MAFF: variants seen among roughly 807,000 people sequenced by gnomAD.
MAFF encodes the protein MAF bZIP transcription factor F.
Under a neutral mutation model 2.7 loss-of-function variants are expected in MAFF, and 4 were observed. The ratio of observed to expected loss-of-function variants is 1.48; its 90% confidence interval spans 0.73 to 3.39. The LOEUF (loss-of-function observed/expected upper bound fraction) is 3.39, where lower values mean the gene tolerates loss of function less well. Ranked by LOEUF, MAFF falls within the 30% of genes most tolerant of loss-of-function variation. The pLI is 0.01. For missense variants in MAFF, 190 were observed against 246.6 expected (o/e 0.77, Z 1.54); for synonymous variants, 113 against 119.4 (o/e 0.95, Z 0.35).
chr22:38,204,740 C>G (rs1028533811), intron 1 of MAFF, among the ~76,000 whole-genome samples: 2 of 152,202 alleles, frequency 1.3e-5, no homozygotes, highest in Non-Finnish European at 2.9e-5. Context: ...GTAGAATTTG[C>G]TGTCTGTTCA....
At chr22:38,206,290 T>C (rs908949710) in intron 1 of MAFF, among the ~76,000 whole-genome samples, 6 of 151,434 alleles carry the variant, frequency 4.0e-5, no homozygotes, top group Non-Finnish European at 7.4e-5. Context: ...CTGTTGCTTG[T>C]GGATAGTGGG....
Position 38,214,938 on chromosome 22 carries a change from C to T in MAFF, c.*60C>T, listed in dbSNP as rs1026197794. On this transcript the variant is annotated 3_prime_UTR_variant, in exon 3 of 3. Transcript: ENST00000338483. This position sits in a 1 kb window ranked among gnomAD's most constrained non-coding sequence, Gnocchi z 6.3. ...CGGCCTCAGCTCCCTCCCCAAAGTG[C>T]CTGAGCGCCGCCTCTGTGCCCAGGT... The T allele has an allele frequency of 7.0e-5, 90 of 1,284,256 alleles. No individual in the cohort carries two copies. In the African/African-American group the frequency reaches 1.1e-3, roughly 16 times the overall value. 79.6% of individuals were successfully genotyped at this position (1,284,256 alleles called of 1,614,324 possible). A position where few individuals can be genotyped will look rare whatever the true frequency, so the allele number is the denominator to read the frequency against.
At position 38,214,899 on chromosome 22, in the gene MAFF, C is replaced by T. The variant is rs554955876; in HGVS notation, c.*21C>T. On this transcript the variant is annotated 3_prime_UTR_variant, in exon 3 of 3. Coordinates refer to ENST00000338483, the MANE Select transcript of MAFF (RefSeq NM_012323.4). The surrounding 1 kb of genome is among the most constrained non-coding windows in gnomAD (Gnocchi z 6.3). The stretch of plus-strand genomic sequence containing the variant: ...CCTAGTGCCCGCCCCCGCCATGCCT[C>T]AGCCACGCCCCTCCGGCCTCAGCTC... The T allele has an allele frequency of 2.3e-5, 34 of 1,500,574 alleles. No homozygotes were observed. In the Middle Eastern group the frequency reaches 5.1e-4, roughly 23 times the overall value. 93.0% of individuals were successfully genotyped at this position (1,500,574 alleles called of 1,614,324 possible). A position where few individuals can be genotyped will look rare whatever the true frequency, so the allele number is the denominator to read the frequency against.
rs61328776 is a variant in MAFF at position 38,211,230 on chromosome 22, C to CTTTTTTTTTTT, written c.-31-2587_-31-2577dup. On this transcript the variant is annotated intron_variant, in intron 1 of 2. Coordinates refer to ENST00000338483, the MANE Select transcript of MAFF (RefSeq NM_012323.4). ...GAGAAGGGATGCTGGGGAGCACTTT[C>CTTTTTTTTTTT]TTTTTTTTTTTTTTTTCAGACGGAG... Among the ~76,000 whole-genome samples the CTTTTTTTTTTT allele has an allele frequency of 1.7e-3, 238 of 139,932 alleles. 1 individual carries two copies. Among genetic ancestry groups the CTTTTTTTTTTT allele is most frequent in the African/African-American group, 6.2e-3 (232 of 37,340 alleles). The allele number at this position is 139,932 out of a possible 152,430, so 91.8% of individuals were successfully genotyped here.
chr22:38,214,652 T>C lies in MAFF; in HGVS notation c.269T>C (p.Val90Ala). 1.3e-6 allele frequency: 2 copies of C among 1,556,330 alleles called. No homozygotes were observed. The highest frequency in any genetic ancestry group is 1.7e-6 in the Non-Finnish European group (2 of 1,151,128). The change falls in exon 3 of 3, where the codon GTG (valine) becomes GCG (alanine). Residue 90 changes from valine to alanine, a missense_variant. Around this residue, in one of 2 missense-constraint regions of MAFF, gnomAD observed 87 missense variants for 143.6 expected, o/e 0.61. Transcript: ENST00000338483. This position sits in a 1 kb window ranked among gnomAD's most constrained non-coding sequence, Gnocchi z 6.3. Reference protein sequence around the residue: ...QKQKSELEREVDKLARENAAM... With the variant: ...QKQKSELEREADKLARENAAM... ...CAGAAGTCGGAGCTGGAGCGCGAGG[T>C]GGACAAGCTGGCGCGCGAGAACGCC...
chr22:38,209,599 G>A (rs1482810227), intron 1 of MAFF, among the ~76,000 whole-genome samples: 2 of 151,802 alleles, frequency 1.3e-5, no homozygotes, highest in African/African-American at 4.8e-5. Context: ...GATCACCTGA[G>A]GTTAGGAGTT....
At chr22:38,213,665 C>T in intron 1 of MAFF, 158 bp from the exon 2 acceptor site, 1 of 698,728 alleles carries the variant, frequency 1.4e-6, no homozygotes, top group Non-Finnish European at 2.6e-6. Flanking sequence ...AGGAGCCATT[C>T]AAGGAGGCCT....
Position 38,215,147 on chromosome 22 carries a change from T to G in MAFF, c.*269T>G. 2.4e-6 allele frequency: 1 copy of G among 421,650 alleles called. No homozygotes were observed. The highest frequency in any genetic ancestry group is 4.4e-6 in the Non-Finnish European group (1 of 225,352). The allele number at this position is 421,650 out of a possible 1,614,324, so 26.1% of individuals were successfully genotyped here. On this transcript the variant is annotated 3_prime_UTR_variant, in exon 3 of 3. Transcript: ENST00000338483. ...GGCTGAAAGTTTAGCCTTTTTAGATTGAGAGATACAGAGCCGGCTTAGAGA... is the reference window on the plus strand; with the variant it reads ...GGCTGAAAGTTTAGCCTTTTTAGATGGAGAGATACAGAGCCGGCTTAGAGA...
intron 1 of MAFF, chr22:38,205,318 C>T (rs2091043887): frequency 6.6e-6 from 1 of 152,222 alleles, no homozygotes. Flanking sequence ...AACCCCAGGC[C>T]GTTGCTTCTC....
At position 38,215,165 on chromosome 22, in the gene MAFF, C is replaced by T. The variant is rs2091138264; in HGVS notation, c.*287C>T. 7.9e-6 allele frequency: 3 copies of T among 378,426 alleles called. No individual in the cohort carries two copies. The highest frequency in any genetic ancestry group is 1.0e-4 in the Admixed American group (2 of 19,974). 23.4% of individuals were successfully genotyped at this position (378,426 alleles called of 1,614,324 possible). On this transcript the variant is annotated 3_prime_UTR_variant, in exon 3 of 3. Transcript: ENST00000338483. The stretch of plus-strand genomic sequence containing the variant: ...TTTAGATTGAGAGATACAGAGCCGG[C>T]TTAGAGAACAGCTGTTGGGGGAGAA...
At chr22:38,206,607 C>T (rs1675776980) in intron 1 of MAFF, among the ~76,000 whole-genome samples, 1 of 152,170 alleles carries the variant, frequency 6.6e-6, no homozygotes, top group Non-Finnish European at 1.5e-5. Context: ...CCACCTTGGC[C>T]TCCCAAAGTG....
rs1451217912 is a variant in MAFF, at chr22:38,215,412, G to A, written c.*534G>A. On this transcript the variant is annotated 3_prime_UTR_variant, in exon 3 of 3. Transcript: ENST00000338483. Reference sequence around the variant, plus strand: ...ACTAGTGAAACCCAGTTCACGGATGGGGAAACAGGCCTGAGGTCACATTTC... The same window carrying A: ...ACTAGTGAAACCCAGTTCACGGATGAGGAAACAGGCCTGAGGTCACATTTC... 1.8e-5 allele frequency: 3 copies of A among 167,996 alleles called. No individual in the cohort carries two copies. Among genetic ancestry groups the A allele is most frequent in the African/African-American group, 7.2e-5 (3 of 41,460 alleles). 10.4% of individuals were successfully genotyped at this position (167,996 alleles called of 1,614,324 possible).
At position 38,214,882 on chromosome 22, in the gene MAFF, C is replaced by T. The variant is rs1045907004; in HGVS notation, c.*4C>T. 11 of 1,512,680 alleles carry T rather than the reference C, an allele frequency of 7.3e-6. No homozygotes were observed. The African/African-American group carries it at 1.4e-4, about 20-fold the overall frequency. The allele number at this position is 1,512,680 out of a possible 1,614,324, so 93.7% of individuals were successfully genotyped here. ...CGGCCCGGCCTCCTGCTCCTAGTGC[C>T]CGCCCCCGCCATGCCTCAGCCACGC... On this transcript the variant is annotated 3_prime_UTR_variant, in exon 3 of 3. Coordinates refer to ENST00000338483, the MANE Select transcript of MAFF (RefSeq NM_012323.4). This position sits in a 1 kb window ranked among gnomAD's most constrained non-coding sequence, Gnocchi z 6.3.
At chr22:38,204,689 A>T (rs2091038684) in intron 1 of MAFF, among the ~76,000 whole-genome samples, 1 of 152,192 alleles carries the variant, frequency 6.6e-6, no homozygotes, top group South Asian at 2.1e-4. Context: ...ACACACAGGC[A>T]TGCACTGCCC....
intron 1 of MAFF, among the ~76,000 whole-genome samples, chr22:38,207,136 T>A (rs143873263): frequency 0.015 from 2,336 of 152,054 alleles, 62 homozygotes; most frequent in African/African-American, 0.053. Context: ...TATTATTATT[T>A]TTGAGATGGA....
intron 1 of MAFF, among the ~76,000 whole-genome samples, chr22:38,208,249 G>A (rs563035335): frequency 2.0e-5 from 3 of 152,346 alleles, no homozygotes; most frequent in African/African-American, 7.2e-5. Context: ...GGCAGGTATT[G>A]TTCCGATCCT....
chr22:38,213,176 C>CAAAAAAAAAAAAAAAAAA (rs57782814), intron 1 of MAFF, among the ~76,000 whole-genome samples: 4 of 114,086 alleles, frequency 3.5e-5, no homozygotes, highest in East Asian at 2.7e-4. Flanking sequence ...GACTCTGTCT[C>CAAAAAAAAAAAAAAAAAA]AAAAAAAAAA....
At chr22:38,210,439 G>A (rs1173436350) in intron 1 of MAFF, among the ~76,000 whole-genome samples, 6 of 152,258 alleles carry the variant, frequency 3.9e-5, no homozygotes, top group Non-Finnish European at 5.9e-5. Flanking sequence ...GAGTATCTGC[G>A]AGGTGCCAGG....
chr22:38,209,741 G>C (rs973318252), intron 1 of MAFF, among the ~76,000 whole-genome samples: 2 of 147,050 alleles, frequency 1.4e-5, no homozygotes, highest in African/African-American at 5.0e-5. Context: ...TTGAACCCAG[G>C]AGGCGGAGGT....
Sources: gnomAD v4.1 joint callset for allele counts (sites outside exome capture counted in the v4.1 genomes callset) on GRCh38, gnomAD v4.1.1 for gene constraint, gnomAD v4.1.1 regional missense constraint, Gnocchi (gnomAD v3.1) non-coding constraint, MANE v1.5 for transcripts, NCBI Gene and HGNC (gene_info 2026-07-23, HGNC 2026-07-21) for gene names.